The following MYO3B variants were observed in gnomAD, a reference collection of about 807,000 sequenced individuals.
The protein encoded by MYO3B is myosin-IIIb.
A neutral mutation model predicts 174.6 loss-of-function variants in MYO3B; 156 were observed. That is an observed-to-expected ratio of 0.89 (90% CI 0.78 to 1.02). The LOEUF is 1.02. Among genes scored for constraint, MYO3B ranks in the 50% least tolerant of loss-of-function variants. The pLI, the probability that MYO3B is intolerant of heterozygous loss-of-function variation, is 0.00. For synonymous variants in MYO3B, 563 were observed against 569.1 expected (o/e 0.99, Z 0.15); for missense variants, 1,632 against 1,639.4 (o/e 1.00, Z 0.08).
At chr2:170,401,794 T>TTATTTTTA in intron 18 of MYO3B, 103 bp downstream of exon 18, 2 of 1,038,768 alleles carry the variant, frequency 1.9e-6, no homozygotes, top group Non-Finnish European at 2.7e-6. Flanking sequence ...GGGATTTTCT[T>TTATTTTTA]TCTTTTTCTT....
chr2:170,339,901 C>T (rs963699042), intron 8 of MYO3B, among the ~76,000 whole-genome samples: 2 of 152,090 alleles, frequency 1.3e-5, no homozygotes, highest in Non-Finnish European at 2.9e-5. Flanking sequence ...TGTGTTTTGT[C>T]ACCTCTATAA....
chr2:170,532,331 A>G (rs1056656721), intron 30 of MYO3B, among the ~76,000 whole-genome samples: 2 of 152,252 alleles, frequency 1.3e-5, no homozygotes, highest in Admixed American at 6.5e-5. Flanking sequence ...CTCTGAATGC[A>G]ATAGATGATC....
intron 7 of MYO3B, among the ~76,000 whole-genome samples, chr2:170,311,553 G>A (rs1483432473): frequency 6.8e-6 from 1 of 146,248 alleles, no homozygotes; most frequent in East Asian, 2.0e-4. Flanking sequence ...TTCCTGTTTT[G>A]TGGGTTGTCT....
chr2:170,481,649 G>A lies in MYO3B; in HGVS notation c.3014+14938G>A, dbSNP rs141400734. Among the ~76,000 whole-genome samples the A allele has an allele frequency of 2.0e-5, 3 of 152,304 alleles. No individual in the cohort carries two copies. The East Asian group carries it at 5.8e-4, about 29-fold the overall frequency. ...TTAACTTACATGGTGTAAGGAACCT[G>A]TTAAGACATAATTAGGGAGGATGAC... On this transcript the variant is annotated intron_variant, in intron 25 of 34. Transcript: ENST00000408978.
At chr2:170,613,902 T>C (rs981413399) in intron 32 of MYO3B, among the ~76,000 whole-genome samples, 2 of 152,308 alleles carry the variant, frequency 1.3e-5, no homozygotes, top group East Asian at 1.9e-4. Flanking sequence ...AGCCTGTAGA[T>C]GGCCTATTGT....
At chr2:170,614,031 C>T (rs1373454119) in intron 32 of MYO3B, among the ~76,000 whole-genome samples, 2 of 152,106 alleles carry the variant, frequency 1.3e-5, no homozygotes, top group African/African-American at 2.4e-5. Context: ...CTCCCACTCC[C>T]ATCCCCTTCT....
Position 170,434,178 on chromosome 2 carries a change from A to G in MYO3B, c.2651-9789A>G, listed in dbSNP as rs73028026. Among the ~76,000 whole-genome samples the G allele has an allele frequency of 3.4e-3, 512 of 152,306 alleles. 1 individual carries two copies. Among genetic ancestry groups the G allele is most frequent in the African/African-American group, 0.012 (480 of 41,554 alleles). ...TGAAGATGAACTAAGATTTTTTAGT[A>G]TACAAAATACTATAGGTTTGTGTTT... On this transcript the variant is annotated intron_variant, in intron 22 of 34. Coordinates refer to ENST00000408978, the MANE Select transcript of MYO3B (RefSeq NM_138995.5).
intron 22 of MYO3B, among the ~76,000 whole-genome samples, chr2:170,431,503 G>A (rs2105885150): frequency 6.6e-6 from 1 of 152,278 alleles, no homozygotes; most frequent in African/African-American, 2.4e-5. Context: ...AGATCTCTGG[G>A]TCACAAATCT....
intron 30 of MYO3B, among the ~76,000 whole-genome samples, chr2:170,538,590 C>T (rs144781716): frequency 8.1e-4 from 123 of 152,292 alleles, no homozygotes; most frequent in African/African-American, 2.6e-3. Flanking sequence ...GCCCCTCATC[C>T]ACTCACACTG....
In MYO3B at chr2:170,252,524, A is replaced by T. The variant is rs1574658643; in HGVS notation, c.749+16388A>T. Among the ~76,000 whole-genome samples the T allele has an allele frequency of 2.6e-5, 4 of 152,372 alleles. 1 individual carries two copies. In the South Asian group the frequency reaches 8.3e-4, roughly 32 times the overall value. On this transcript the variant is annotated intron_variant, in intron 7 of 34. Transcript: ENST00000408978. ...TTGGAACTAGTTTATTCAATCACTTATTAAATATGTTTTGAGTATTTACTA... is the reference window on the plus strand; with the variant it reads ...TTGGAACTAGTTTATTCAATCACTTTTTAAATATGTTTTGAGTATTTACTA...
At chr2:170,333,553 T>C (rs1316291672) in intron 7 of MYO3B, among the ~76,000 whole-genome samples, 1 of 152,078 alleles carries the variant, frequency 6.6e-6, no homozygotes, top group Admixed American at 6.6e-5. Context: ...ATCTTATCCT[T>C]CCCCCCTGCT....
At chr2:170,339,062 T>A (rs2093962333) in intron 8 of MYO3B, among the ~76,000 whole-genome samples, 1 of 152,224 alleles carries the variant, frequency 6.6e-6, no homozygotes, top group South Asian at 2.1e-4. Flanking sequence ...AATGTCTATT[T>A]AAAGAGAGAG....
intron 7 of MYO3B, among the ~76,000 whole-genome samples, chr2:170,326,062 C>T (rs2093864605): frequency 1.3e-5 from 2 of 151,896 alleles, no homozygotes; most frequent in South Asian, 4.2e-4. Flanking sequence ...GCATGTTTAA[C>T]CTTTGGCTTT....
At chr2:170,329,692 C>G (rs1249635579) in intron 7 of MYO3B, among the ~76,000 whole-genome samples, 1 of 151,882 alleles carries the variant, frequency 6.6e-6, no homozygotes, top group African/African-American at 2.4e-5. Flanking sequence ...CCATGCCCAG[C>G]CAGGGAATGT....
chr2:170,361,854 G>A (rs1264590579), intron 8 of MYO3B, among the ~76,000 whole-genome samples: 2 of 152,070 alleles, frequency 1.3e-5, no homozygotes, highest in African/African-American at 4.8e-5. Flanking sequence ...CTCTCCACTT[G>A]TCCCCAGACA....
intron 8 of MYO3B, chr2:170,349,742 G>A (rs1337783557): frequency 7.0e-6 from 1 of 143,584 alleles, no homozygotes; most frequent in African/African-American, 2.6e-5. Flanking sequence ...ATGTTGCAGT[G>A]AGCTGAGATT....
At chr2:170,452,712 C>T (rs1341750181) in intron 23 of MYO3B, among the ~76,000 whole-genome samples, 2 of 152,042 alleles carry the variant, frequency 1.3e-5, no homozygotes, top group Non-Finnish European at 2.9e-5. Context: ...TAAAGTGTCT[C>T]AAAGAGACAG....
intron 32 of MYO3B, among the ~76,000 whole-genome samples, chr2:170,635,896 G>A (rs980691669): frequency 6.6e-6 from 1 of 152,140 alleles, no homozygotes; most frequent in African/African-American, 2.4e-5. Context: ...ACCCCTGACT[G>A]ACATTTCCTT....
At chr2:170,616,618 T>C (rs1695480670) in intron 32 of MYO3B, among the ~76,000 whole-genome samples, 2 of 152,224 alleles carry the variant, frequency 1.3e-5, no homozygotes, top group African/African-American at 2.4e-5. Context: ...CTGATCACAA[T>C]TGGACTGAAG....
Sources: allele counts gnomAD v4.1 joint callset (sites outside exome capture counted in the v4.1 genomes callset), GRCh38; gene constraint gnomAD v4.1.1; transcripts MANE v1.5; gene names NCBI Gene and HGNC (gene_info 2026-07-23, HGNC 2026-07-21).